The following RECK variants were observed in gnomAD, a reference collection of about 807,000 sequenced individuals.
RECK encodes reversion inducing cysteine rich protein with kazal motifs.
In RECK, 69 loss-of-function variants were observed where a neutral mutation model predicts 115.1. The observed-to-expected ratio is 0.60, with a 90% CI of 0.49 to 0.73. The LOEUF is 0.73. Among genes scored for constraint, RECK ranks in the 30% least tolerant of loss-of-function variants. The pLI is 0.00. For missense variants in RECK, 1,047 were observed against 1,203.7 expected, an observed-to-expected ratio of 0.87 and a Z score of 1.93; for synonymous variants, 414 against 419.7, an observed-to-expected ratio of 0.99 and a Z score of 0.17.
chr9:36,106,596 G>T (rs887985280), intron 13 of RECK, among the ~76,000 whole-genome samples: 5 of 151,832 alleles, frequency 3.3e-5, no homozygotes, highest in African/African-American at 1.2e-4. Flanking sequence ...TGTCTCAAAG[G>T]ATCATCTATA....
At chr9:36,049,705 C>T (rs776893416) in intron 1 of RECK, among the ~76,000 whole-genome samples, 1 of 152,144 alleles carries the variant, frequency 6.6e-6, no homozygotes, top group African/African-American at 2.4e-5. Context: ...CTCCCAGGAA[C>T]CAGGGAGAAA....
At chr9:36,118,996 G>A in intron 18 of RECK, 29 bp downstream of exon 18, 1 of 1,599,172 alleles carries the variant, frequency 6.3e-7, no homozygotes, top group Non-Finnish European at 8.6e-7. Flanking sequence ...GGTGGACAGG[G>A]GAGGACTGAG....
chr9:36,121,711 A>G lies in RECK; in HGVS notation c.2694+23A>G, dbSNP rs1824469050. 4 of 1,609,742 alleles carry G rather than the reference A, an allele frequency of 2.5e-6. No individual in the cohort carries two copies. In the East Asian group the frequency reaches 8.9e-5, roughly 36 times the overall value. On this transcript the variant is annotated intron_variant, in intron 20 of 20. Transcript: ENST00000377966. ...CAGGTGAGTTCAGCACATGTTGTGA[A>G]GCCATCTTGTCACTTTCAAGTTTGG...
At chr9:36,093,791 C>T (rs931102253) in intron 10 of RECK, among the ~76,000 whole-genome samples, 1 of 152,060 alleles carries the variant, frequency 6.6e-6, no homozygotes, top group Non-Finnish European at 1.5e-5. Context: ...AGAGACACAC[C>T]TAGCACATTA....
rs769867079 is a variant in RECK at position 36,052,307 on chromosome 9, G to A, written c.143G>A (p.Arg48His). The change falls in exon 2 of 21, where the codon CGT becomes CAT. Residue 48 changes from arginine (R) to histidine (H), a missense_variant. Coordinates refer to ENST00000377966, the MANE Select transcript of RECK (RefSeq NM_021111.3). The part of the protein sequence containing the change: ...CNHSKDNQMC[R>H]DVCEQIFSSK... ...CATTCAAAGGATAACCAAATGTGCC[G>A]TGATGTATGTGAACAGGTAAGATTA... is the stretch of plus-strand genomic sequence containing the variant. 30 of 1,608,042 alleles carry A rather than the reference G, an allele frequency of 1.9e-5. 1 individual carries two copies. The highest frequency in any genetic ancestry group is 2.4e-5 in the Non-Finnish European group (28 of 1,174,902).
chr9:36,060,555 C>T (rs938417473), intron 4 of RECK, among the ~76,000 whole-genome samples: 1 of 152,178 alleles, frequency 6.6e-6, no homozygotes, highest in Non-Finnish European at 1.5e-5. Flanking sequence ...CGGGCTCTTT[C>T]TCAGTACTAC....
At chr9:36,109,874 C>G (rs1179271695) in intron 14 of RECK, 83 bp from the exon 15 acceptor site, 2 of 1,204,034 alleles carry the variant, frequency 1.7e-6, no homozygotes, top group East Asian at 2.6e-5. Context: ...CATTTTAAAA[C>G]TTGTTGAACT....
chr9:36,111,587 T>A lies in RECK; in HGVS notation c.1889-718T>A, dbSNP rs143048258. ...TTTTGTATTTTTAGTAGAGATGGGG[T>A]TTCTCCATGTTGGTCAGGCTGGTCT... On this transcript the variant is annotated intron_variant, in intron 15 of 20. Transcript: ENST00000377966. Among the ~76,000 whole-genome samples the A allele has an allele frequency of 7.2e-5, 11 of 151,752 alleles. No individual in the cohort carries two copies. The East Asian group carries it at 2.1e-3, about 29-fold the overall frequency.
intron 2 of RECK, among the ~76,000 whole-genome samples, chr9:36,054,763 TGTATA>T (rs1821454685): frequency 2.0e-5 from 3 of 152,320 alleles, no homozygotes; most frequent in Middle Eastern, 6.8e-3. Flanking sequence ...ATTCAGTTTT[TGTATA>T]TGTCTTACCT....
chr9:36,050,711 C>T (rs910725877), intron 1 of RECK, among the ~76,000 whole-genome samples: 4 of 152,094 alleles, frequency 2.6e-5, no homozygotes, highest in Non-Finnish European at 4.4e-5. Flanking sequence ...CCTCTCTGAT[C>T]GCATTATGTC....
At chr9:36,068,832 C>T (rs1822113070) in intron 6 of RECK, among the ~76,000 whole-genome samples, 1 of 152,234 alleles carries the variant, frequency 6.6e-6, no homozygotes, top group Admixed American at 6.5e-5. Flanking sequence ...TTCTCTCCAA[C>T]ATTAGTCTTA....
intron 18 of RECK, 56 bp downstream of exon 18, chr9:36,119,023 C>A: frequency 6.6e-7 from 1 of 1,519,980 alleles, no homozygotes; most frequent in Admixed American, 1.7e-5. Flanking sequence ...TGCTTATCCA[C>A]CTCCAGAGAG....
chr9:36,063,347 TTATGC>T (rs1453548264), intron 4 of RECK, among the ~76,000 whole-genome samples: 2 of 152,194 alleles, frequency 1.3e-5, no homozygotes, highest in Admixed American at 1.3e-4. Flanking sequence ...ATCATGAATT[TTATGC>T]TATTCTAGGT....
rs74776266 is a variant in RECK at position 36,047,476 on chromosome 9, C to T, written c.101-4789C>T. On this transcript the variant is annotated intron_variant, in intron 1 of 20. Transcript: ENST00000377966. Reference sequence around the variant, plus strand: ...ATACAATTAGCCGGGCATGGTGGTGCATGCCTGTAATCCCAGCTATTAATA... The same window carrying T: ...ATACAATTAGCCGGGCATGGTGGTGTATGCCTGTAATCCCAGCTATTAATA... Among the ~76,000 whole-genome samples, 27 of 152,152 alleles carry T rather than the reference C, an allele frequency of 1.8e-4. No individual in the cohort carries two copies. The East Asian group carries it at 5.0e-3, about 28-fold the overall frequency.
Position 36,049,468 on chromosome 9 carries a change from A to G in RECK, c.101-2797A>G, listed in dbSNP as rs531684449. Among the ~76,000 whole-genome samples the G allele has an allele frequency of 2.6e-5, 4 of 152,192 alleles. No homozygotes were observed. In the South Asian group the frequency reaches 8.3e-4, roughly 32 times the overall value. On this transcript the variant is annotated intron_variant, in intron 1 of 20. Transcript: ENST00000377966. ...TGGGCCACACTGGAAGAATTGTCTT[A>G]TGCCACATGTAAAATACACTAACAC...
chr9:36,098,080 G>A (rs770500349), intron 10 of RECK, among the ~76,000 whole-genome samples: 8 of 152,100 alleles, frequency 5.3e-5, no homozygotes, highest in Admixed American at 4.6e-4. Context: ...GGAGAGGATT[G>A]GGAAAATGTT....
In RECK at chr9:36,087,716, T is replaced by C. The variant is rs905031996; in HGVS notation, c.660T>C (p.Ala220=). Residue 220 remains alanine, a synonymous_variant, in exon 9 of 21, where the codon GCT becomes GCC. Transcript: ENST00000377966. ...PTDSLYCCDR[A]EDHACQNACK... The stretch of plus-strand genomic sequence containing the variant: ...TAGGTTTATATTGCTGTGACAGAGC[T>C]GAAGACCATGCTTGCCAAAATGCCT... The C allele has an allele frequency of 2.4e-5, 39 of 1,613,886 alleles. No individual in the cohort carries two copies. The highest frequency in any genetic ancestry group is 1.7e-5 in the Non-Finnish European group (20 of 1,179,918).
intron 2 of RECK, among the ~76,000 whole-genome samples, chr9:36,054,054 C>T (rs1165815597): frequency 2.6e-5 from 4 of 152,156 alleles, no homozygotes; most frequent in Non-Finnish European, 2.9e-5. Context: ...TCGGCTAAGT[C>T]GCCATCCTGA....
At position 36,040,031 on chromosome 9, in the gene RECK, A is replaced by G. The variant is rs535839241; in HGVS notation, c.100+2933A>G. Among the ~76,000 whole-genome samples, 11 of 152,238 alleles carry G rather than the reference A, an allele frequency of 7.2e-5. No individual in the cohort carries two copies. In the South Asian group the frequency reaches 2.3e-3, roughly 32 times the overall value. ...AAGAGGTCAAGGAGGTTATTTTTAT[A>G]TATTATAAATGTGGTTTTTAAAAGA... On this transcript the variant is annotated intron_variant, in intron 1 of 20. Transcript: ENST00000377966.
Sources: allele counts gnomAD v4.1 joint callset (sites outside exome capture counted in the v4.1 genomes callset), GRCh38; gene constraint gnomAD v4.1.1; transcripts MANE v1.5; gene names NCBI Gene and HGNC (gene_info 2026-07-23, HGNC 2026-07-21).